SORCS2: variants seen among roughly 807,000 people sequenced by gnomAD.
The protein encoded by SORCS2 is VPS10 domain-containing receptor SorCS2.
Under a neutral mutation model 141.6 loss-of-function variants are expected in SORCS2, and 100 were observed. That is an observed-to-expected ratio of 0.71 (90% CI 0.60 to 0.83). The LOEUF (loss-of-function observed/expected upper bound fraction) is 0.83, where lower values mean the gene tolerates loss of function less well. Among genes scored for constraint, SORCS2 ranks in the 40% least tolerant of loss-of-function variants. The pLI is 0.00. For missense variants in SORCS2, 1,646 were observed against 1,560.2 expected, an observed-to-expected ratio of 1.05 and a Z score of -0.93; for synonymous variants, 789 against 676.9, an observed-to-expected ratio of 1.17 and a Z score of -2.57.
intron 17 of SORCS2, among the ~76,000 whole-genome samples, chr4:7,716,545 A>ACCATCCATCAATCAATCTAT (rs1553806091): frequency 6.6e-6 from 1 of 151,250 alleles, no homozygotes; most frequent in Non-Finnish European, 1.5e-5. Flanking sequence ...CTATTCATTC[A>ACCATCCATCAATCAATCTAT]CCATCCATCA....
chr4:7,574,536 C>G lies in SORCS2; in HGVS notation c.648+42907C>G, dbSNP rs149694669. 2.4e-4 allele frequency among the ~76,000 whole-genome samples: 37 copies of G among 151,466 alleles called. No homozygotes were observed. In the East Asian group the frequency reaches 6.4e-3, roughly 26 times the overall value. On this transcript the variant is annotated intron_variant, in intron 3 of 26. Coordinates refer to ENST00000507866, the MANE Select transcript of SORCS2 (RefSeq NM_020777.3). ...GTCAGCGCAGCAGGTGGGACCATGC[C>G]TCGTTAAAGGAGAGAGACAGGGGGA... is the stretch of plus-strand genomic sequence containing the variant.
At chr4:7,740,110 C>A in intron 26 of SORCS2, 90 bp from the exon 27 acceptor site, 2 of 1,139,124 alleles carry the variant, frequency 1.8e-6, no homozygotes, top group Non-Finnish European at 2.6e-6. Flanking sequence ...TGGCTCGAGG[C>A]ACTGCCTGAG....
chr4:7,235,076 A>G (rs140989730), intron 1 of SORCS2, among the ~76,000 whole-genome samples: 96 of 152,332 alleles, frequency 6.3e-4, no homozygotes, highest in Middle Eastern at 3.4e-3. Flanking sequence ...GCATCCCGTG[A>G]GGGTCTGAAC....
intron 1 of SORCS2, among the ~76,000 whole-genome samples, chr4:7,355,502 T>A (rs1379006064): frequency 6.6e-6 from 1 of 152,192 alleles, no homozygotes; most frequent in Non-Finnish European, 1.5e-5. Context: ...TGGGTGGATC[T>A]CCTGCAGGTG....
chr4:7,373,472 ATATATATTTTTTTT>A (rs1722395406), intron 1 of SORCS2, among the ~76,000 whole-genome samples: 1 of 57,698 alleles, frequency 1.7e-5, no homozygotes, highest in Non-Finnish European at 2.7e-5. Context: ...ATATATATAT[ATATATATTTTTTTT>A]TTTTTTTTTT....
chr4:7,581,178 G>A (rs1036988061), intron 3 of SORCS2, among the ~76,000 whole-genome samples: 1 of 148,882 alleles, frequency 6.7e-6, no homozygotes, highest in Admixed American at 6.7e-5. Flanking sequence ...GCTACAATAA[G>A]TTTTTTAATG....
intron 3 of SORCS2, among the ~76,000 whole-genome samples, chr4:7,558,187 A>T (rs1291550817): frequency 2.0e-5 from 3 of 152,154 alleles, no homozygotes; most frequent in African/African-American, 7.2e-5. Flanking sequence ...TGGGAGAGGA[A>T]TGCATAACTG....
intron 8 of SORCS2, among the ~76,000 whole-genome samples, chr4:7,671,098 C>G (rs1171113687): frequency 6.6e-6 from 1 of 152,110 alleles, no homozygotes; most frequent in African/African-American, 2.4e-5. Flanking sequence ...AGCAGAGGCT[C>G]AGAAAAGGCC....
chr4:7,366,390 G>A (rs935295523), intron 1 of SORCS2, among the ~76,000 whole-genome samples: 1 of 151,898 alleles, frequency 6.6e-6, no homozygotes, highest in African/African-American at 2.4e-5. Context: ...CCTGCGGGGG[G>A]ATCCTGCTCC....
intron 1 of SORCS2, among the ~76,000 whole-genome samples, chr4:7,221,690 T>A (rs1728714900): frequency 6.6e-6 from 1 of 152,136 alleles, no homozygotes; most frequent in Non-Finnish European, 1.5e-5. Context: ...AGTCCAGGGA[T>A]GGGAGGCAAA....
intron 2 of SORCS2, among the ~76,000 whole-genome samples, chr4:7,494,576 A>G (rs1302277083): frequency 6.6e-6 from 1 of 152,174 alleles, no homozygotes; most frequent in Non-Finnish European, 1.5e-5. Context: ...CCCTTGGACC[A>G]GGGCCCTACC....
intron 20 of SORCS2, 56 bp downstream of exon 20, chr4:7,725,343 C>T (rs752022535): frequency 3.2e-6 from 5 of 1,569,156 alleles, no homozygotes; most frequent in Non-Finnish European, 4.3e-6. Context: ...CCACAAGCTG[C>T]ACAGTGGGGC....
chr4:7,504,003 G>A (rs571917846), intron 2 of SORCS2, among the ~76,000 whole-genome samples: 10 of 152,152 alleles, frequency 6.6e-5, no homozygotes, highest in African/African-American at 1.7e-4. Context: ...TACTCCACCC[G>A]GAGAGCAGGC....
At chr4:7,270,237 A>G (rs1218711290) in intron 1 of SORCS2, among the ~76,000 whole-genome samples, 1 of 152,252 alleles carries the variant, frequency 6.6e-6, no homozygotes, top group African/African-American at 2.4e-5. Flanking sequence ...GCTACCTGTG[A>G]ACGGGGCCGC....
At chr4:7,516,867 C>T (rs1733017499) in intron 2 of SORCS2, among the ~76,000 whole-genome samples, 1 of 152,234 alleles carries the variant, frequency 6.6e-6, no homozygotes, top group Admixed American at 6.5e-5. Context: ...GCAGCAGCTA[C>T]TGCTGAGGAG....
intron 1 of SORCS2, among the ~76,000 whole-genome samples, chr4:7,241,484 T>A (rs1712693997): frequency 6.6e-6 from 1 of 152,170 alleles, no homozygotes; most frequent in Non-Finnish European, 1.5e-5. Flanking sequence ...GAGTCCCTCC[T>A]CTTCACTCAG....
intron 1 of SORCS2, among the ~76,000 whole-genome samples, chr4:7,261,328 G>A (rs1311202591): frequency 6.6e-6 from 1 of 152,212 alleles, no homozygotes; most frequent in Non-Finnish European, 1.5e-5. Context: ...CCCAGACAGG[G>A]CTCTGCGACG....
In SORCS2 at chr4:7,342,918, C is replaced by A. The variant is rs1034345819; in HGVS notation, c.481-53370C>A. ...ATTACCTTGAAGGTGGTGATGCCTGCTTCCCTGGGTGCTGGCCAAGGTCTC... is the reference window on the plus strand; with the variant it reads ...ATTACCTTGAAGGTGGTGATGCCTGATTCCCTGGGTGCTGGCCAAGGTCTC... On this transcript the variant is annotated intron_variant, in intron 1 of 26. Coordinates refer to ENST00000507866, the MANE Select transcript of SORCS2 (RefSeq NM_020777.3). Among the ~76,000 whole-genome samples the A allele has an allele frequency of 5.9e-5, 9 of 152,192 alleles. 1 individual carries two copies. Among genetic ancestry groups the A allele is most frequent in the African/African-American group, 1.9e-4 (8 of 41,438 alleles).
intron 3 of SORCS2, among the ~76,000 whole-genome samples, chr4:7,557,718 TA>T (rs1714240293): frequency 6.6e-6 from 1 of 152,158 alleles, no homozygotes; most frequent in African/African-American, 2.4e-5. Context: ...CAGGGAAAAG[TA>T]CACAGGCAAT....
Sources: allele counts gnomAD v4.1 joint callset (sites outside exome capture counted in the v4.1 genomes callset), GRCh38; gene constraint gnomAD v4.1.1; transcripts MANE v1.5; gene names NCBI Gene and HGNC (gene_info 2026-07-23, HGNC 2026-07-21).